GLDC: variants seen among roughly 807,000 people sequenced by gnomAD.
GLDC encodes the protein glycine dehydrogenase (decarboxylating), mitochondrial.
Under a neutral mutation model 121.3 loss-of-function variants are expected in GLDC, and 104 were observed. The observed-to-expected ratio is 0.86, with a 90% confidence interval of 0.73 to 1.01. GLDC has a LOEUF of 1.01. Among genes scored for constraint, GLDC ranks in the 50% least tolerant of loss-of-function variants. GLDC has a pLI of 0.00. For missense variants in GLDC, 1,429 were observed against 1,306.6 expected (o/e 1.09, Z -1.44); for synonymous variants, 546 against 480.6 (o/e 1.14, Z -1.78).
intron 16 of GLDC, among the ~76,000 whole-genome samples, chr9:6,561,390 T>C (rs567477932): frequency 1.5e-4 from 23 of 152,342 alleles, no homozygotes; most frequent in Non-Finnish European, 2.9e-4. Context: ...TGCTCATGTC[T>C]GTAATCCCAG....
intron 9 of GLDC, 105 bp from the exon 10 acceptor site, chr9:6,593,095 G>T (rs1177497540): frequency 2.4e-6 from 3 of 1,244,456 alleles, no homozygotes; most frequent in Non-Finnish European, 3.5e-6. Flanking sequence ...GACTCTTGTT[G>T]GTCCTGGGGA....
chr9:6,545,832 G>A (rs1319051092), intron 21 of GLDC, among the ~76,000 whole-genome samples: 3 of 151,968 alleles, frequency 2.0e-5, no homozygotes, highest in Non-Finnish European at 2.9e-5. Flanking sequence ...GTAGAGACGG[G>A]GTTTCACCAT....
chr9:6,586,099 C>T (rs1233461492), intron 15 of GLDC, among the ~76,000 whole-genome samples: 1 of 152,066 alleles, frequency 6.6e-6, no homozygotes, highest in Non-Finnish European at 1.5e-5. Context: ...AGTTAGAGAC[C>T]AGCCTGACCA....
At chr9:6,629,279 A>AT (rs1330212110) in intron 2 of GLDC, among the ~76,000 whole-genome samples, 1 of 149,800 alleles carries the variant, frequency 6.7e-6, no homozygotes, top group African/African-American at 2.5e-5. Flanking sequence ...CAATGGTGCG[A>AT]TCTCGGCTCA....
Position 6,578,411 on chromosome 9 carries a change from C to T in GLDC, c.1850+8730G>A, listed in dbSNP as rs183361283. 2.6e-5 allele frequency among the ~76,000 whole-genome samples: 4 copies of T among 151,786 alleles called. No homozygotes were observed. In the East Asian group the frequency reaches 7.8e-4, roughly 30 times the overall value. On this transcript the variant is annotated intron_variant, in intron 15 of 24. Coordinates refer to ENST00000321612, the MANE Select transcript of GLDC (RefSeq NM_000170.3). ...GGATTACAAGCATGAATCATGGCAC[C>T]CAGCTCTTTCTTCTTTTTTAATGTA...
intron 15 of GLDC, among the ~76,000 whole-genome samples, chr9:6,586,599 A>C: frequency 6.6e-6 from 1 of 152,166 alleles, no homozygotes; most frequent in East Asian, 1.9e-4. Context: ...TGTGTGCTTG[A>C]TCCTTCTTCT....
rs1264509706 is a variant in GLDC, at chr9:6,556,168, T to C, written c.2187A>G (p.Ala729=). The change falls in exon 18 of 25, where the codon GCA becomes GCG. Residue 729 remains alanine (A), a synonymous_variant. Coordinates refer to ENST00000321612, the MANE Select transcript of GLDC (RefSeq NM_000170.3). ...CAGTTCCCACCTGAGCATTCATATTTGCCCCGTCTAGGTAGACCTGTCCTC... is the reference window on the plus strand; with the variant it reads ...CAGTTCCCACCTGAGCATTCATATTCGCCCCGTCTAGGTAGACCTGTCCTC... ...QHGGQVYLDG[A]NMNAQVGICR... The C allele has an allele frequency of 6.2e-7, 1 of 1,613,086 alleles. No individual in the cohort carries two copies. The highest frequency in any genetic ancestry group is 1.7e-5 in the Admixed American group (1 of 59,998).
chr9:6,554,344 A>C (rs937285565), intron 19 of GLDC, among the ~76,000 whole-genome samples: 7 of 152,224 alleles, frequency 4.6e-5, no homozygotes, highest in Non-Finnish European at 8.8e-5. Flanking sequence ...TCCGAAAGGC[A>C]CTTTCTAGTG....
At chr9:6,536,806 C>G (rs763481107) in intron 22 of GLDC, among the ~76,000 whole-genome samples, 1 of 152,104 alleles carries the variant, frequency 6.6e-6, no homozygotes, top group Non-Finnish European at 1.5e-5. Context: ...GTGTTAAAGA[C>G]TCTGGAGCAA....
chr9:6,550,442 T>C (rs1034562510), intron 21 of GLDC, among the ~76,000 whole-genome samples: 1 of 151,884 alleles, frequency 6.6e-6, no homozygotes, highest in African/African-American at 2.4e-5. Context: ...GCCTGGCCAA[T>C]ATGGTGAAAC....
chr9:6,620,689 T>A (rs1819074303), intron 2 of GLDC, among the ~76,000 whole-genome samples: 1 of 152,214 alleles, frequency 6.6e-6, no homozygotes, highest in East Asian at 1.9e-4. Flanking sequence ...TAAAATACTG[T>A]GTTTTACCTT....
intron 15 of GLDC, among the ~76,000 whole-genome samples, chr9:6,579,911 C>G (rs753808154): frequency 7.9e-5 from 12 of 152,196 alleles, no homozygotes; most frequent in Admixed American, 7.2e-4. Context: ...ACCCTTAGGG[C>G]TGAGTTCAGG....
chr9:6,618,258 G>A (rs939987113), intron 3 of GLDC, among the ~76,000 whole-genome samples: 1 of 152,098 alleles, frequency 6.6e-6, no homozygotes, highest in Non-Finnish European at 1.5e-5. Flanking sequence ...CCAAAAAGAT[G>A]GGAAAAAAGA....
At chr9:6,553,629 G>T in intron 19 of GLDC, 120 bp from the exon 20 acceptor site, 2 of 910,120 alleles carry the variant, frequency 2.2e-6, no homozygotes, top group Non-Finnish European at 1.8e-6. Context: ...CAGTGGAAGG[G>T]ACTCTCCACC....
At chr9:6,564,791 T>C (rs972836845) in intron 16 of GLDC, among the ~76,000 whole-genome samples, 27 of 152,356 alleles carry the variant, frequency 1.8e-4, no homozygotes, top group African/African-American at 5.3e-4. Flanking sequence ...CAAGAGGCGA[T>C]TGGGATCCTG....
chr9:6,539,933 T>C (rs746178108), intron 22 of GLDC, 118 bp downstream of exon 22: 7 of 784,322 alleles, frequency 8.9e-6, no homozygotes, highest in East Asian at 4.9e-5. Flanking sequence ...CCAAGAACCC[T>C]GAGCTCCCCA....
chr9:6,600,753 T>C (rs1818592769), intron 8 of GLDC, among the ~76,000 whole-genome samples: 1 of 151,592 alleles, frequency 6.6e-6, no homozygotes, highest in Non-Finnish European at 1.5e-5. Context: ...GGCCTCCAAC[T>C]GATCCTAGGG....
chr9:6,557,072 TAGG>T (rs549662553), intron 17 of GLDC, among the ~76,000 whole-genome samples: 121 of 152,252 alleles, frequency 7.9e-4, no homozygotes, highest in South Asian at 4.4e-3. Flanking sequence ...TACAGCTAGA[TAGG>T]AGGAGTAAGT....
intron 15 of GLDC, among the ~76,000 whole-genome samples, chr9:6,583,343 C>A (rs945014428): frequency 2.6e-5 from 4 of 152,006 alleles, no homozygotes; most frequent in Admixed American, 1.3e-4. Flanking sequence ...AAGGGATAAA[C>A]AAAATGTGCT....
Sources: gnomAD v4.1 joint callset for allele counts (sites outside exome capture counted in the v4.1 genomes callset) on GRCh38, gnomAD v4.1.1 for gene constraint, MANE v1.5 for transcripts, NCBI Gene and HGNC (gene_info 2026-07-23, HGNC 2026-07-21) for gene names.